DISP1: variants seen among roughly 807,000 people sequenced by gnomAD.
DISP1 encodes the protein dispatched RND transporter family member 1.
DISP1 carries 30 observed loss-of-function variants against 37.3 expected under a neutral mutation model. That is an observed-to-expected ratio of 0.80 (90% CI 0.60 to 1.09). DISP1 has a LOEUF of 1.09. Among genes scored for constraint, DISP1 ranks in the 50% least tolerant of loss-of-function variants. The pLI is 0.00. For missense variants in DISP1, 1,598 were observed against 1,879.5 expected (o/e 0.85, Z 2.77); for synonymous variants, 634 against 690.2 (o/e 0.92, Z 1.28).
chr1:222,835,687 C>T (rs1290643143), intron 1 of DISP1, among the ~76,000 whole-genome samples: 1 of 152,162 alleles, frequency 6.6e-6, no homozygotes, highest in African/African-American at 2.4e-5. Context: ...TGCGGTGGCT[C>T]ACGCCTGTAA....
intron 1 of DISP1, among the ~76,000 whole-genome samples, chr1:222,836,770 C>A (rs971590885): frequency 3.3e-5 from 5 of 151,614 alleles, no homozygotes; most frequent in African/African-American, 9.7e-5. Context: ...TATACACACA[C>A]ACACACACAC....
intron 8 of DISP1, among the ~76,000 whole-genome samples, chr1:223,000,975 G>A (rs1427465712): frequency 6.6e-6 from 1 of 152,122 alleles, no homozygotes; most frequent in Non-Finnish European, 1.5e-5. Flanking sequence ...AAACTGATAG[G>A]ACCAGGTCAT....
chr1:222,819,081 C>T (rs1383660067), intron 1 of DISP1, among the ~76,000 whole-genome samples: 2 of 152,088 alleles, frequency 1.3e-5, no homozygotes, highest in Non-Finnish European at 2.9e-5. Context: ...TAGCACCATC[C>T]CTCTAGTGTT....
Position 222,984,435 on chromosome 1 carries a change from TAGAG to T in DISP1, c.539+1347_539+1350del, listed in dbSNP as rs369654102. On this transcript the variant is annotated intron_variant, in intron 4 of 8. Transcript: ENST00000675850. ...AAAAAAAAAAAAATATATATATATA[TAGAG>T]AGAGAGAGAGAGAGAGAGAGCGTAC... is the stretch of plus-strand genomic sequence containing the variant. Among the ~76,000 whole-genome samples the T allele has an allele frequency of 3.8e-3, 407 of 108,366 alleles. 10 individuals carry two copies. Among genetic ancestry groups the T allele is most frequent in the African/African-American group, 0.014 (381 of 26,408 alleles). The allele number at this position is 108,366 out of a possible 152,430, so 71.1% of individuals were successfully genotyped here.
intron 1 of DISP1, chr1:222,899,858 G>A (rs1037466605): frequency 6.6e-6 from 1 of 152,226 alleles, no homozygotes; most frequent in East Asian, 1.9e-4. Context: ...AGAGTGTTGG[G>A]ATTACAGGTA....
chr1:222,939,151 T>C (rs1674187056), intron 2 of DISP1, among the ~76,000 whole-genome samples: 2 of 152,126 alleles, frequency 1.3e-5, no homozygotes, highest in Admixed American at 1.3e-4. Flanking sequence ...ACAAAATAGG[T>C]TGTGTTCCAA....
At chr1:222,854,208 C>G (rs1668425130) in intron 1 of DISP1, among the ~76,000 whole-genome samples, 2 of 152,166 alleles carry the variant, frequency 1.3e-5, no homozygotes, top group Admixed American at 6.5e-5. Context: ...ATCATAGAAG[C>G]TAGGCGTCTT....
intron 1 of DISP1, among the ~76,000 whole-genome samples, chr1:222,910,723 C>A (rs1672160859): frequency 6.6e-6 from 1 of 152,196 alleles, no homozygotes; most frequent in Admixed American, 6.5e-5. Context: ...AGAATGACTT[C>A]TGAGTCAAAG....
At position 222,832,831 on chromosome 1, in the gene DISP1, A is replaced by G. The variant is rs1572244129; in HGVS notation, c.-159+17753A>G. 1.3e-5 allele frequency among the ~76,000 whole-genome samples: 2 copies of G among 152,040 alleles called. 1 individual carries two copies. Among genetic ancestry groups the G allele is most frequent in the South Asian group, 4.2e-4 (2 of 4,816 alleles). On this transcript the variant is annotated intron_variant, in intron 1 of 8. Coordinates refer to ENST00000675850, the MANE Select transcript of DISP1 (RefSeq NM_001377229.1). ...GACTCACTTGAACCCGGGAGGTGGA[A>G]GTTGCAGTGAGCCGAGGTCACGCCA...
At chr1:222,885,528 G>C (rs903277373) in intron 1 of DISP1, among the ~76,000 whole-genome samples, 30 of 150,710 alleles carry the variant, frequency 2.0e-4, no homozygotes, top group African/African-American at 6.8e-4. Flanking sequence ...GGGTGCAGTG[G>C]TGCAATCACA....
At chr1:222,932,589 T>G (rs1319728629) in intron 2 of DISP1, among the ~76,000 whole-genome samples, 1 of 151,984 alleles carries the variant, frequency 6.6e-6, no homozygotes. Flanking sequence ...GTTATACAAT[T>G]TCACATAATT....
At chr1:222,957,713 A>G (rs930446540) in intron 3 of DISP1, among the ~76,000 whole-genome samples, 1 of 152,248 alleles carries the variant, frequency 6.6e-6, no homozygotes, top group Non-Finnish European at 1.5e-5. Flanking sequence ...TTAAGAAGAA[A>G]TAATTAATAA....
intron 1 of DISP1, among the ~76,000 whole-genome samples, chr1:222,864,756 C>G (rs1393377221): frequency 6.6e-6 from 1 of 152,118 alleles, no homozygotes; most frequent in African/African-American, 2.4e-5. Context: ...AATTCTCTTC[C>G]TATACCCGCT....
At chr1:222,857,224 G>A (rs1200498413) in intron 1 of DISP1, among the ~76,000 whole-genome samples, 3 of 151,944 alleles carry the variant, frequency 2.0e-5, no homozygotes, top group Non-Finnish European at 4.4e-5. Flanking sequence ...TCTGTAAATA[G>A]CTACTGCATT....
At chr1:222,820,949 AT>A (rs1363269361) in intron 1 of DISP1, among the ~76,000 whole-genome samples, 2 of 151,774 alleles carry the variant, frequency 1.3e-5, no homozygotes, top group Admixed American at 6.6e-5. Flanking sequence ...TTTTATTTTT[AT>A]TTTTTTAAAC....
chr1:222,910,344 C>T (rs1050607605), intron 1 of DISP1, among the ~76,000 whole-genome samples: 3 of 152,080 alleles, frequency 2.0e-5, no homozygotes, highest in Middle Eastern at 3.4e-3. Context: ...GCCTGGGGGT[C>T]GGAGTAAGAC....
intron 1 of DISP1, among the ~76,000 whole-genome samples, chr1:222,825,146 G>C (rs1395512140): frequency 7.3e-6 from 1 of 137,206 alleles, no homozygotes; most frequent in Non-Finnish European, 1.6e-5. Flanking sequence ...CAGGGATGGG[G>C]AATGTGGGGG....
intron 8 of DISP1, among the ~76,000 whole-genome samples, chr1:222,996,266 AC>A (rs1238938240): frequency 6.6e-6 from 1 of 152,212 alleles, no homozygotes; most frequent in African/African-American, 2.4e-5. Flanking sequence ...GCATTAGGAT[AC>A]TTCTTATACA....
chr1:222,984,101 A>T (rs975138697), intron 4 of DISP1, among the ~76,000 whole-genome samples: 2 of 152,090 alleles, frequency 1.3e-5, no homozygotes, highest in Non-Finnish European at 2.9e-5. Flanking sequence ...TATTTTTAAA[A>T]TTGTGGTAAA....
Sources: gnomAD v4.1 joint callset for allele counts (sites outside exome capture counted in the v4.1 genomes callset) on GRCh38, gnomAD v4.1.1 for gene constraint, MANE v1.5 for transcripts, NCBI Gene and HGNC (gene_info 2026-07-23, HGNC 2026-07-21) for gene names.